DACH1: variants seen among roughly 807,000 people sequenced by gnomAD.
DACH1 encodes the protein dachshund homolog 1.
A neutral mutation model predicts 54.2 loss-of-function variants in DACH1; 12 were observed. The observed-to-expected ratio is 0.22, with a 90% CI of 0.14 to 0.36. The LOEUF (loss-of-function observed/expected upper bound fraction) is 0.36. Ranked by LOEUF, DACH1 falls within the 10% of genes least tolerant of loss-of-function variation. The probability of loss-of-function intolerance (pLI) is 1.00; values close to 1 mark genes in which losing one functional copy is unlikely to be tolerated. For missense variants in DACH1, 805 were observed against 929.8 expected (o/e 0.87, Z 1.75); for synonymous variants, 386 against 366.2 (o/e 1.05, Z -0.62).
intron 1 of DACH1, among the ~76,000 whole-genome samples, chr13:71,833,414 C>T (rs141460062): frequency 1.8e-3 from 269 of 152,118 alleles, no homozygotes; most frequent in Middle Eastern, 0.01. Context: ...CTAATTTGTA[C>T]ACATTACTAC....
intron 3 of DACH1, among the ~76,000 whole-genome samples, chr13:71,590,872 TTTC>T (rs1873654213): frequency 1.6e-5 from 2 of 123,378 alleles, no homozygotes; most frequent in Non-Finnish European, 1.8e-5. Flanking sequence ...TGTCTCTCTC[TTTC>T]TTTTTTTTTT....
chr13:71,704,475 C>A, intron 1 of DACH1: 2 of 342,168 alleles, frequency 5.8e-6, no homozygotes, highest in Non-Finnish European at 5.8e-6. Context: ...ACTCTAAGAG[C>A]TGAGATAGCT....
chr13:71,506,225 T>C (rs1880309710), intron 6 of DACH1, among the ~76,000 whole-genome samples: 1 of 151,242 alleles, frequency 6.6e-6, no homozygotes, highest in African/African-American at 2.4e-5. Context: ...CATGCTGGTG[T>C]GCTGAACCCA....
intron 10 of DACH1, among the ~76,000 whole-genome samples, chr13:71,449,944 A>G (rs985921979): frequency 6.6e-6 from 1 of 150,536 alleles, no homozygotes; most frequent in African/African-American, 2.4e-5. Flanking sequence ...GGGGAGGGAT[A>G]GCATTTGGAG....
chr13:71,480,265 A>G (rs2138184403), intron 7 of DACH1, among the ~76,000 whole-genome samples: 1 of 152,300 alleles, frequency 6.6e-6, no homozygotes, highest in African/African-American at 2.4e-5. Flanking sequence ...CTTTTTAAAA[A>G]GCCATTCAAG....
At chr13:71,699,144 C>T (rs1881983599) in intron 1 of DACH1, among the ~76,000 whole-genome samples, 1 of 152,078 alleles carries the variant, frequency 6.6e-6, no homozygotes, top group South Asian at 2.1e-4. Context: ...TTGTCTTTCA[C>T]AAACTAAAAT....
chr13:71,576,588 A>G (rs1045386695), intron 3 of DACH1, among the ~76,000 whole-genome samples: 1 of 152,186 alleles, frequency 6.6e-6, no homozygotes, highest in East Asian at 1.9e-4. Context: ...TGTGAAAGCC[A>G]TCTCTACTCT....
At chr13:71,476,334 C>T (rs562199233) in intron 8 of DACH1, among the ~76,000 whole-genome samples, 2 of 152,072 alleles carry the variant, frequency 1.3e-5, no homozygotes, top group Non-Finnish European at 2.9e-5. Context: ...CAATGTTAGA[C>T]CAACTCAGTT....
intron 10 of DACH1, among the ~76,000 whole-genome samples, chr13:71,451,919 A>T (rs1875093920): frequency 6.6e-6 from 1 of 152,186 alleles, no homozygotes; most frequent in Admixed American, 6.6e-5. Flanking sequence ...ATACTCTGAA[A>T]TAACTATGGA....
chr13:71,723,439 T>C (rs1355431007), intron 1 of DACH1, among the ~76,000 whole-genome samples: 1 of 151,978 alleles, frequency 6.6e-6, no homozygotes, highest in African/African-American at 2.4e-5. Flanking sequence ...TGTGTCCTAG[T>C]TAACATGGTT....
At chr13:71,527,587 T>C (rs771585780) in intron 6 of DACH1, among the ~76,000 whole-genome samples, 3 of 152,306 alleles carry the variant, frequency 2.0e-5, no homozygotes, top group Non-Finnish European at 2.9e-5. Flanking sequence ...TCCTTCATCA[T>C]TGAACATGGG....
At chr13:71,765,029 C>A (rs1885561882) in intron 1 of DACH1, among the ~76,000 whole-genome samples, 1 of 152,112 alleles carries the variant, frequency 6.6e-6, no homozygotes, top group Non-Finnish European at 1.5e-5. Context: ...CAGAAAGTTC[C>A]ATTCATTCCA....
At chr13:71,779,257 ATATATGTG>A (rs1214744019) in intron 1 of DACH1, among the ~76,000 whole-genome samples, 22 of 68,040 alleles carry the variant, frequency 3.2e-4, no homozygotes, top group African/African-American at 1.8e-3. Flanking sequence ...GTATATACGT[ATATATGTG>A]TATATATACG....
At chr13:71,743,531 A>G (rs1307558968) in intron 1 of DACH1, among the ~76,000 whole-genome samples, 1 of 152,190 alleles carries the variant, frequency 6.6e-6, no homozygotes, top group Non-Finnish European at 1.5e-5. Flanking sequence ...CCTCAGAGAT[A>G]AGAAAATGGA....
At chr13:71,696,773 C>G (rs1881855749) in intron 1 of DACH1, among the ~76,000 whole-genome samples, 1 of 152,152 alleles carries the variant, frequency 6.6e-6, no homozygotes, top group Admixed American at 6.5e-5. Context: ...TCTCGAACTC[C>G]TAACCACAGG....
intron 8 of DACH1, among the ~76,000 whole-genome samples, chr13:71,477,273 A>G (rs1877648910): frequency 6.6e-6 from 1 of 151,004 alleles, no homozygotes; most frequent in Non-Finnish European, 1.5e-5. Context: ...GGCACCTGCC[A>G]CCACGCCCGG....
At chr13:71,687,147 T>C (rs1402698683) in intron 1 of DACH1, among the ~76,000 whole-genome samples, 2 of 152,220 alleles carry the variant, frequency 1.3e-5, no homozygotes, top group South Asian at 2.1e-4. Context: ...TCTGTGGTTA[T>C]ATTCTGCATA....
At chr13:71,678,444 T>C (rs891080375) in intron 2 of DACH1, among the ~76,000 whole-genome samples, 2 of 152,192 alleles carry the variant, frequency 1.3e-5, no homozygotes, top group African/African-American at 4.8e-5. Flanking sequence ...ACGCCATTCA[T>C]GTGCAATAGT....
At chr13:71,555,243 T>C (rs984829465) in intron 6 of DACH1, among the ~76,000 whole-genome samples, 20 of 152,196 alleles carry the variant, frequency 1.3e-4, no homozygotes, top group African/African-American at 4.3e-4. Flanking sequence ...TGGAGAATGA[T>C]TGTGACACCC....
Sources: gnomAD v4.1 joint callset for allele counts (sites outside exome capture counted in the v4.1 genomes callset) on GRCh38, gnomAD v4.1.1 for gene constraint, MANE v1.5 for transcripts, NCBI Gene and HGNC (gene_info 2026-07-23, HGNC 2026-07-21) for gene names.